Variants in TMTC2 observed in about 807,000 individuals in gnomAD.
TMTC2 encodes the protein protein O-mannosyl-transferase TMTC2.
A neutral mutation model predicts 82.4 loss-of-function variants in TMTC2; 43 were observed. The ratio of observed to expected loss-of-function variants is 0.52; its 90% CI spans 0.41 to 0.67. The LOEUF (loss-of-function observed/expected upper bound fraction) is 0.67. Among genes scored for constraint, TMTC2 ranks in the 30% least tolerant of loss-of-function variants. The pLI, the probability that TMTC2 is intolerant of heterozygous loss-of-function variation, is 0.00. For missense variants in TMTC2, 919 were observed against 1,012.4 expected, an observed-to-expected ratio of 0.91 and a Z score of 1.25; for synonymous variants, 408 against 381.9, an observed-to-expected ratio of 1.07 and a Z score of -0.80.
At chr12:82,724,430 C>T (rs548489334) in intron 1 of TMTC2, among the ~76,000 whole-genome samples, 4 of 152,174 alleles carry the variant, frequency 2.6e-5, no homozygotes, top group Non-Finnish European at 4.4e-5. Flanking sequence ...GGACTGTTTC[C>T]CCCATGCTGT....
intron 1 of TMTC2, among the ~76,000 whole-genome samples, chr12:82,704,321 A>C (rs1465007770): frequency 1.3e-5 from 2 of 152,204 alleles, no homozygotes; most frequent in Non-Finnish European, 2.9e-5. Flanking sequence ...ATAAGATTGG[A>C]CAGAAATATT....
chr12:82,830,943 A>G (rs1165948559), intron 1 of TMTC2, among the ~76,000 whole-genome samples: 1 of 152,214 alleles, frequency 6.6e-6, no homozygotes, highest in Non-Finnish European at 1.5e-5. Flanking sequence ...TAGATAGTCC[A>G]TATCAACTTC....
Position 82,857,467 on chromosome 12 carries a change from T to C in TMTC2, c.541T>C (p.Cys181Arg), listed in dbSNP as rs1470926911. The C allele has an allele frequency of 1.2e-6, 2 of 1,614,092 alleles. No homozygotes were observed. Among genetic ancestry groups the C allele is most frequent in the Admixed American group, 1.7e-5 (1 of 60,006 alleles). Residue 181 changes from cysteine to arginine, a missense_variant, in exon 2 of 12, where the codon TGC (cysteine) becomes CGC (arginine). Cys to Arg is a radical substitution (Grantham distance 180). Coordinates refer to ENST00000321196, the MANE Select transcript of TMTC2 (RefSeq NM_152588.3). Reference protein sequence around the residue: ...WFLGSGLCAGCSMLWKEQGVT... With the variant: ...WFLGSGLCAGRSMLWKEQGVT... ...CCTGGGGTCAGGACTGTGCGCAGGA[T>C]GCAGCATGTTGTGGAAGGAACAAGG...
chr12:82,948,961 C>T (rs1301263255), intron 4 of TMTC2, among the ~76,000 whole-genome samples: 3 of 152,134 alleles, frequency 2.0e-5, no homozygotes, highest in Admixed American at 2.0e-4. Flanking sequence ...GCATTCAAAG[C>T]ATATCAACTC....
intron 2 of TMTC2, among the ~76,000 whole-genome samples, chr12:82,880,088 T>A (rs979278838): frequency 1.3e-5 from 2 of 152,190 alleles, no homozygotes; most frequent in Non-Finnish European, 2.9e-5. Flanking sequence ...TTTAGATTGT[T>A]GAAGGAGCAA....
chr12:82,785,007 T>C (rs954263428), intron 1 of TMTC2, among the ~76,000 whole-genome samples: 1 of 152,040 alleles, frequency 6.6e-6, no homozygotes, highest in Admixed American at 6.6e-5. Context: ...ATAATAAGAG[T>C]GAACAACTGA....
At chr12:83,009,318 T>C (rs3940515) in intron 8 of TMTC2, among the ~76,000 whole-genome samples, 119,065 of 151,982 alleles carry the variant, frequency 0.78, 47,683 homozygotes, top group South Asian at 0.93. Flanking sequence ...TGAAAGGTGA[T>C]GGTTGAGTAC....
At chr12:82,884,346 C>CA (rs1364692740) in intron 2 of TMTC2, among the ~76,000 whole-genome samples, 1 of 152,142 alleles carries the variant, frequency 6.6e-6, no homozygotes, top group Non-Finnish European at 1.5e-5. Flanking sequence ...GAGTGTCAGA[C>CA]AAAAACCAAA....
chr12:82,771,255 GC>G (rs111310992), intron 1 of TMTC2, among the ~76,000 whole-genome samples: 22,862 of 151,274 alleles, frequency 0.15, 1,973 homozygotes, highest in African/African-American at 0.24. Flanking sequence ...TTTGCCTAGA[GC>G]CCTTATCCAT....
At chr12:83,093,042 T>G (rs929746660) in intron 11 of TMTC2, among the ~76,000 whole-genome samples, 1 of 152,142 alleles carries the variant, frequency 6.6e-6, no homozygotes, top group Non-Finnish European at 1.5e-5. Flanking sequence ...CCCCACATTC[T>G]CCCTTGCAGG....
chr12:82,717,019 G>A (rs1294036037), intron 1 of TMTC2, among the ~76,000 whole-genome samples: 1 of 152,044 alleles, frequency 6.6e-6, no homozygotes, highest in Non-Finnish European at 1.5e-5. Context: ...AAAGCATCAC[G>A]AATCTTAAGG....
chr12:82,696,487 G>A (rs1263817056), intron 1 of TMTC2, among the ~76,000 whole-genome samples: 1 of 152,170 alleles, frequency 6.6e-6, no homozygotes, highest in Non-Finnish European at 1.5e-5. Context: ...CCAGTGTGCA[G>A]CTTGAAATCA....
At chr12:82,802,472 G>A (rs887462564) in intron 1 of TMTC2, among the ~76,000 whole-genome samples, 10 of 152,206 alleles carry the variant, frequency 6.6e-5, no homozygotes, top group Non-Finnish European at 8.8e-5. Flanking sequence ...CTGAGAGTGA[G>A]CGAGGACTGG....
At chr12:82,747,568 CATT>C (rs1241096404) in intron 1 of TMTC2, among the ~76,000 whole-genome samples, 2 of 152,114 alleles carry the variant, frequency 1.3e-5, no homozygotes, top group Non-Finnish European at 2.9e-5. Context: ...TTCAGGAAAG[CATT>C]ATTATTTTTT....
rs1873806228 is a variant in TMTC2 at position 82,898,723 on chromosome 12, C to A, written c.1483+2077C>A. ...AGAAAGGGCAAATGGTGGGTGTACCCGATCTTAGAGCATATTGCAGAAATT... is the reference window on the plus strand; with the variant it reads ...AGAAAGGGCAAATGGTGGGTGTACCAGATCTTAGAGCATATTGCAGAAATT... On this transcript the variant is annotated intron_variant, in intron 3 of 11. Transcript: ENST00000321196. 1.3e-5 allele frequency among the ~76,000 whole-genome samples: 2 copies of A among 152,260 alleles called. 1 individual carries two copies. The highest frequency in any genetic ancestry group is 2.9e-5 in the Non-Finnish European group (2 of 68,012).
At position 82,797,652 on chromosome 12, in the gene TMTC2, A is replaced by G. The variant is rs142492098; in HGVS notation, c.84-59358A>G. Among the ~76,000 whole-genome samples the G allele has an allele frequency of 2.0e-3, 310 of 152,242 alleles. 1 individual carries two copies. Among genetic ancestry groups the G allele is most frequent in the Admixed American group, 6.4e-3 (98 of 15,288 alleles). On this transcript the variant is annotated intron_variant, in intron 1 of 11. Transcript: ENST00000321196. ...GAATTCTGAATTAGATGTTAAATCA[A>G]TTTTAAAGATAATAGGCGCTGGTTT...
At chr12:82,810,049 A>G (rs1879419845) in intron 1 of TMTC2, among the ~76,000 whole-genome samples, 1 of 152,076 alleles carries the variant, frequency 6.6e-6, no homozygotes, top group Admixed American at 6.6e-5. Flanking sequence ...TTTGTGGAGA[A>G]ATTTAGAATG....
At chr12:82,933,222 C>A (rs1408073007) in intron 4 of TMTC2, among the ~76,000 whole-genome samples, 1 of 152,080 alleles carries the variant, frequency 6.6e-6, no homozygotes, top group Non-Finnish European at 1.5e-5. Flanking sequence ...TTGGCTTTGA[C>A]AGAATTCTGA....
In TMTC2 at chr12:82,857,197, A is replaced by G; in HGVS notation, c.271A>G (p.Asn91Asp). 1 of 1,614,088 alleles carries G rather than the reference A, an allele frequency of 6.2e-7. No individual in the cohort carries two copies. Among genetic ancestry groups the G allele is most frequent in the South Asian group, 1.1e-5 (1 of 91,084 alleles). The change falls in exon 2 of 12, where the codon AAT becomes GAT. Residue 91 changes from asparagine to aspartate, a missense_variant. Asn to Asp is a conservative substitution (Grantham distance 23, BLOSUM62 1). Coordinates refer to ENST00000321196, the MANE Select transcript of TMTC2 (RefSeq NM_152588.3). ...GLNPWSYHLV[N>D]VLLHAAVTGL... ...GAATCCCTGGAGCTACCATCTTGTCAATGTCCTGTTGCATGCAGCAGTCAC... is the reference window on the plus strand; with the variant it reads ...GAATCCCTGGAGCTACCATCTTGTCGATGTCCTGTTGCATGCAGCAGTCAC...
Sources: allele counts gnomAD v4.1 joint callset (sites outside exome capture counted in the v4.1 genomes callset), GRCh38; gene constraint gnomAD v4.1.1; transcripts MANE v1.5; gene names NCBI Gene and HGNC (gene_info 2026-07-23, HGNC 2026-07-21).